PCCA: variants seen among roughly 807,000 people sequenced by gnomAD.
PCCA encodes the protein propionyl-CoA carboxylase alpha chain, mitochondrial.
A neutral mutation model predicts 101.3 loss-of-function variants in PCCA; 74 were observed. The ratio of observed to expected loss-of-function variants is 0.73; its 90% CI spans 0.61 to 0.89. PCCA has a LOEUF of 0.89. PCCA is among the 40% of genes least tolerant of loss of function. PCCA has a pLI of 0.00. For synonymous variants in PCCA, 294 were observed against 313.6 expected (o/e 0.94, Z 0.66); for missense variants, 891 against 907.0 (o/e 0.98, Z 0.23).
intron 1 of PCCA, among the ~76,000 whole-genome samples, chr13:100,093,764 C>CAAAAT (rs530182720): frequency 3.3e-5 from 5 of 151,842 alleles, no homozygotes; most frequent in South Asian, 2.1e-4. Context: ...GCTATCTCTA[C>CAAAAT]AAAATAAAAT....
chr13:100,447,594 C>A (rs1230030431), intron 20 of PCCA, among the ~76,000 whole-genome samples: 1 of 151,950 alleles, frequency 6.6e-6, no homozygotes, highest in African/African-American at 2.4e-5. Flanking sequence ...AACACTTGAA[C>A]CTGGGAGGCA....
intron 4 of PCCA, among the ~76,000 whole-genome samples, chr13:100,124,131 CA>C (rs1308985208): frequency 6.6e-6 from 1 of 152,056 alleles, no homozygotes; most frequent in Non-Finnish European, 1.5e-5. Flanking sequence ...ACATTTATAT[CA>C]AACTGCTAAA....
intron 6 of PCCA, chr13:100,161,489 TG>T (rs1308511246): frequency 6.6e-6 from 1 of 152,222 alleles, no homozygotes; most frequent in East Asian, 1.9e-4. Flanking sequence ...GTTACAAGGC[TG>T]CAGTCCATGA....
chr13:100,099,597 G>A lies in PCCA; in HGVS notation c.106-3286G>A, dbSNP rs544849567. 1.4e-4 allele frequency among the ~76,000 whole-genome samples: 22 copies of A among 152,096 alleles called. No homozygotes were observed. The East Asian group carries it at 3.3e-3, about 23-fold the overall frequency. On this transcript the variant is annotated intron_variant, in intron 1 of 23. Transcript: ENST00000376285. ...CTCTCAAAGTGCTGGGATTACAGGC[G>A]TGAGCCACTGTGCCCAGCTGGTGCT...
At chr13:100,198,914 A>AT (rs55731223) in intron 6 of PCCA, among the ~76,000 whole-genome samples, 3,753 of 143,994 alleles carry the variant, frequency 0.026, 69 homozygotes, top group Middle Eastern at 0.036. Context: ...GTACTTTACA[A>AT]TTTTTTTTTT....
At chr13:100,432,347 A>T (rs774665608) in intron 20 of PCCA, among the ~76,000 whole-genome samples, 1 of 152,166 alleles carries the variant, frequency 6.6e-6, no homozygotes, top group African/African-American at 2.4e-5. Context: ...TACGATCCTC[A>T]GTATATTTGC....
chr13:100,185,662 T>G lies in PCCA; in HGVS notation c.469-23670T>G, dbSNP rs535959935. Among the ~76,000 whole-genome samples, 11 of 122,630 alleles carry G rather than the reference T, an allele frequency of 9.0e-5. No individual in the cohort carries two copies. In the South Asian group the frequency reaches 2.9e-3, roughly 33 times the overall value. The allele number at this position is 122,630 out of a possible 152,430, so 80.5% of individuals were successfully genotyped here. On this transcript the variant is annotated intron_variant, in intron 6 of 23. Coordinates refer to ENST00000376285, the MANE Select transcript of PCCA (RefSeq NM_000282.4). ...ATTTCTTTTTCTTTTTTTTTTTTTT[T>G]GTGAGACGGAGTTTTGCTCTTGTTG... is the stretch of plus-strand genomic sequence containing the variant.
intron 6 of PCCA, among the ~76,000 whole-genome samples, chr13:100,197,584 C>T (rs1187095489): frequency 6.6e-6 from 1 of 152,146 alleles, no homozygotes; most frequent in East Asian, 1.9e-4. Context: ...GCTAGGATTA[C>T]AGGAGCATGC....
At chr13:100,529,802 G>C (rs1331229583) in intron 23 of PCCA, among the ~76,000 whole-genome samples, 1 of 152,208 alleles carries the variant, frequency 6.6e-6, no homozygotes, top group Non-Finnish European at 1.5e-5. Context: ...GAGGGTGCCA[G>C]AGCGCAGGCC....
rs573677972 is a variant in PCCA at position 100,458,613 on chromosome 13, G to A, written c.1899+9308G>A. ...TTACTCCACTTCACTCCAGCCTGGG[G>A]AACAGAGTGAGACCCCACCTCAAAA... is the stretch of plus-strand genomic sequence containing the variant. On this transcript the variant is annotated intron_variant, in intron 21 of 23. Coordinates refer to ENST00000376285, the MANE Select transcript of PCCA (RefSeq NM_000282.4). Among the ~76,000 whole-genome samples the A allele has an allele frequency of 2.0e-5, 3 of 152,090 alleles. No individual in the cohort carries two copies. The South Asian group carries it at 6.2e-4, about 32-fold the overall frequency.
intron 17 of PCCA, among the ~76,000 whole-genome samples, chr13:100,333,433 G>T (rs899383693): frequency 6.6e-6 from 1 of 152,134 alleles, no homozygotes; most frequent in African/African-American, 2.4e-5. Flanking sequence ...ATTTTCTATT[G>T]TATATGTTTA....
intron 12 of PCCA, among the ~76,000 whole-genome samples, chr13:100,274,604 G>A (rs981675413): frequency 1.3e-5 from 2 of 152,116 alleles, no homozygotes; most frequent in African/African-American, 2.4e-5. Context: ...TGGTGTTGCC[G>A]ACAGTCCTTG....
At chr13:100,253,873 T>A (rs1434012384) in intron 8 of PCCA, among the ~76,000 whole-genome samples, 5 of 134,466 alleles carry the variant, frequency 3.7e-5, no homozygotes, top group South Asian at 2.4e-4. Context: ...TTTTTTTTTT[T>A]AAAGCAGTCT....
intron 12 of PCCA, among the ~76,000 whole-genome samples, chr13:100,287,881 G>T (rs2064813025): frequency 6.6e-6 from 1 of 151,908 alleles, no homozygotes; most frequent in Non-Finnish European, 1.5e-5. Context: ...ATTCTTAGAT[G>T]GATTAAATAA....
intron 19 of PCCA, among the ~76,000 whole-genome samples, chr13:100,405,891 C>T (rs993027514): frequency 2.0e-5 from 3 of 151,730 alleles, no homozygotes; most frequent in Admixed American, 6.6e-5. Flanking sequence ...CTCAGCCTCC[C>T]GAGTAGCTGG....
chr13:100,387,257 G>A (rs1428026896), intron 19 of PCCA, among the ~76,000 whole-genome samples: 1 of 152,212 alleles, frequency 6.6e-6, no homozygotes, highest in Non-Finnish European at 1.5e-5. Context: ...ATAGGTCAGA[G>A]TAAGGAAGCT....
chr13:100,382,014 C>T (rs1267041199), intron 19 of PCCA, among the ~76,000 whole-genome samples: 1 of 152,246 alleles, frequency 6.6e-6, no homozygotes, highest in Non-Finnish European at 1.5e-5. Flanking sequence ...CTGCTCTCCA[C>T]AGGCGGCTTA....
Position 100,422,070 on chromosome 13 carries a change from T to TCTTTTC in PCCA, c.1747-3563_1747-3562insCTTTTC, listed in dbSNP as rs1555454058. On this transcript the variant is annotated intron_variant, in intron 19 of 23. Transcript: ENST00000376285. ...TCTTTTCCTTTTCTCTTCTCTTTTC[T>TCTTTTC]TTTCTTTCTTTCTTTCTTTCTTTCT... 3.6e-5 allele frequency among the ~76,000 whole-genome samples: 4 copies of TCTTTTC among 110,706 alleles called. No individual in the cohort carries two copies. The East Asian group carries it at 1.1e-3, about 30-fold the overall frequency. The allele number at this position is 110,706 out of a possible 152,430, so 72.6% of individuals were successfully genotyped here. A position where few individuals can be genotyped will look rare whatever the true frequency, so the allele number is the denominator to read the frequency against.
chr13:100,202,395 G>A (rs1482339565), intron 6 of PCCA, among the ~76,000 whole-genome samples: 1 of 150,956 alleles, frequency 6.6e-6, no homozygotes, highest in Non-Finnish European at 1.5e-5. Flanking sequence ...ACTCAAAAGA[G>A]TTTATTATTC....
Sources: gnomAD v4.1 joint callset for allele counts (sites outside exome capture counted in the v4.1 genomes callset) on GRCh38, gnomAD v4.1.1 for gene constraint, MANE v1.5 for transcripts, NCBI Gene and HGNC (gene_info 2026-07-23, HGNC 2026-07-21) for gene names.